The following ANKS1B variants were observed in gnomAD, a reference collection of about 807,000 sequenced individuals.
ANKS1B encodes the protein ankyrin repeat and sterile alpha motif domain containing 1B.
ANKS1B carries 36 observed loss-of-function variants against 148.3 expected under a neutral mutation model. The ratio of observed to expected loss-of-function variants is 0.24; its 90% CI spans 0.19 to 0.32. The LOEUF (loss-of-function observed/expected upper bound fraction) is 0.32. Among genes scored for constraint, ANKS1B ranks in the 10% least tolerant of loss-of-function variants. The pLI, the probability that ANKS1B is intolerant of heterozygous loss-of-function variation, is 1.00. For missense variants in ANKS1B, 1,157 were observed against 1,542.6 expected, an observed-to-expected ratio of 0.75 and a Z score of 4.19; for synonymous variants, 542 against 560.8, an observed-to-expected ratio of 0.97 and a Z score of 0.47.
At chr12:99,733,020 TA>T (rs34200797) in intron 8 of ANKS1B, among the ~76,000 whole-genome samples, 65,812 of 148,330 alleles carry the variant, frequency 0.44, 14,661 homozygotes, top group South Asian at 0.61. Flanking sequence ...CCTTGCTCAT[TA>T]AAAAAAAAAA....
At chr12:98,965,745 A>T (rs978714693) in intron 17 of ANKS1B, among the ~76,000 whole-genome samples, 9 of 152,210 alleles carry the variant, frequency 5.9e-5, no homozygotes. Flanking sequence ...ATAATACCAC[A>T]TATCTACAAC....
chr12:98,958,592 C>T (rs182920193), intron 17 of ANKS1B, among the ~76,000 whole-genome samples: 19 of 152,300 alleles, frequency 1.2e-4, no homozygotes, highest in Admixed American at 1.2e-3. Flanking sequence ...ATACACATAC[C>T]TAAACATTAT....
At chr12:99,898,639 T>C (rs1225297479) in intron 1 of ANKS1B, among the ~76,000 whole-genome samples, 1 of 152,124 alleles carries the variant, frequency 6.6e-6, no homozygotes, top group Non-Finnish European at 1.5e-5. Flanking sequence ...TTTTCTGTAA[T>C]TTGCTACATA....
chr12:99,786,951 A>G (rs759261023), intron 4 of ANKS1B, among the ~76,000 whole-genome samples: 1 of 152,240 alleles, frequency 6.6e-6, no homozygotes, highest in Non-Finnish European at 1.5e-5. Context: ...TATAATACAT[A>G]TGTGATAAAT....
At chr12:99,200,210 GAAGGT>G (rs2081910020) in intron 14 of ANKS1B, among the ~76,000 whole-genome samples, 1 of 152,206 alleles carries the variant, frequency 6.6e-6, no homozygotes, top group African/African-American at 2.4e-5. Context: ...TCTCTTCAGA[GAAGGT>G]AACATATTAC....
At chr12:98,912,434 T>C (rs1200497238) in intron 17 of ANKS1B, among the ~76,000 whole-genome samples, 2 of 152,128 alleles carry the variant, frequency 1.3e-5, no homozygotes, top group African/African-American at 4.8e-5. Context: ...CATCAACTTT[T>C]TCCCCCTTAA....
At chr12:99,863,401 C>T (rs2090297285) in intron 1 of ANKS1B, among the ~76,000 whole-genome samples, 1 of 152,154 alleles carries the variant, frequency 6.6e-6, no homozygotes, top group South Asian at 2.1e-4. Flanking sequence ...ACTGAGTTTT[C>T]CTTCTCTCTC....
intron 12 of ANKS1B, among the ~76,000 whole-genome samples, chr12:99,287,574 G>C (rs150324500): frequency 2.1e-3 from 323 of 152,256 alleles, no homozygotes; most frequent in African/African-American, 7.0e-3. Flanking sequence ...TAAGGCACCA[G>C]TGACCAATCC....
At position 99,407,179 on chromosome 12, in the gene ANKS1B, T is replaced by C. The variant is rs556280203; in HGVS notation, c.1576-7368A>G. Among the ~76,000 whole-genome samples, 5 of 145,812 alleles carry C rather than the reference T, an allele frequency of 3.4e-5. 1 individual carries two copies. The highest frequency in any genetic ancestry group is 1.3e-4 in the African/African-American group (5 of 38,490). ...ACACCACATTAAAAAGGCCATTCAT[T>C]ATGATGAAGGGGAATTTATCCCAGG... On this transcript the variant is annotated intron_variant, in intron 11 of 26. Transcript: ENST00000683438.
chr12:99,633,198 G>A (rs2098191075), intron 9 of ANKS1B, among the ~76,000 whole-genome samples: 1 of 151,830 alleles, frequency 6.6e-6, no homozygotes, highest in Non-Finnish European at 1.5e-5. Context: ...TTGCTATTGT[G>A]AATAGTGCCG....
At chr12:99,560,554 A>G (rs1329204430) in intron 9 of ANKS1B, among the ~76,000 whole-genome samples, 1 of 152,230 alleles carries the variant, frequency 6.6e-6, no homozygotes, top group Admixed American at 6.5e-5. Flanking sequence ...TAATATCACA[A>G]TAAAATAAGT....
chr12:99,311,223 T>G (rs902807403), intron 12 of ANKS1B, among the ~76,000 whole-genome samples: 1 of 152,134 alleles, frequency 6.6e-6, no homozygotes, highest in Non-Finnish European at 1.5e-5. Context: ...GATAGCCCAG[T>G]GAGAAATTTA....
At chr12:99,713,711 T>A (rs2056932677) in intron 8 of ANKS1B, among the ~76,000 whole-genome samples, 1 of 152,222 alleles carries the variant, frequency 6.6e-6, no homozygotes, top group South Asian at 2.1e-4. Flanking sequence ...TAAGACAATT[T>A]AATTTTTCTC....
chr12:99,754,851 G>A (rs1374830927), intron 8 of ANKS1B, among the ~76,000 whole-genome samples: 1 of 152,108 alleles, frequency 6.6e-6, no homozygotes, highest in African/African-American at 2.4e-5. Flanking sequence ...CTCAGGCACT[G>A]TTAAGAAGGA....
chr12:99,479,852 A>G (rs1441284196), intron 10 of ANKS1B, among the ~76,000 whole-genome samples: 1 of 151,860 alleles, frequency 6.6e-6, no homozygotes, highest in Non-Finnish European at 1.5e-5. Flanking sequence ...AATACATTGT[A>G]TATTTCAAAA....
intron 1 of ANKS1B, among the ~76,000 whole-genome samples, chr12:99,889,387 C>A (rs2092986846): frequency 1.3e-5 from 2 of 152,124 alleles, no homozygotes; most frequent in Non-Finnish European, 2.9e-5. Context: ...CCAGAGCACC[C>A]AGAACATTTA....
intron 11 of ANKS1B, among the ~76,000 whole-genome samples, chr12:99,428,614 G>A (rs1157261463): frequency 1.3e-5 from 2 of 152,124 alleles, no homozygotes; most frequent in African/African-American, 2.4e-5. Context: ...ATGTTCCTGT[G>A]CATGTGTATA....
intron 1 of ANKS1B, among the ~76,000 whole-genome samples, chr12:99,834,026 A>G (rs2084429632): frequency 2.0e-5 from 3 of 152,158 alleles, no homozygotes; most frequent in Non-Finnish European, 2.9e-5. Flanking sequence ...TCCATAGAAC[A>G]TCCACCGACA....
chr12:99,587,294 G>A lies in ANKS1B; in HGVS notation c.1272+67773C>T, dbSNP rs138642919. On this transcript the variant is annotated intron_variant, in intron 9 of 26. Transcript: ENST00000683438. The stretch of plus-strand genomic sequence containing the variant: ...GTCAGTAATCACAGGTCCTAACATT[G>A]AAATTTGACACAGGACCTTATGAAA... Among the ~76,000 whole-genome samples the A allele has an allele frequency of 1.9e-4, 29 of 152,258 alleles. No homozygotes were observed. In the East Asian group the frequency reaches 5.0e-3, roughly 26 times the overall value.
Sources: gnomAD v4.1 joint callset for allele counts (sites outside exome capture counted in the v4.1 genomes callset) on GRCh38, gnomAD v4.1.1 for gene constraint, MANE v1.5 for transcripts, NCBI Gene and HGNC (gene_info 2026-07-23, HGNC 2026-07-21) for gene names.